GNG2: variants seen among roughly 807,000 people sequenced by gnomAD.
GNG2 encodes guanine nucleotide-binding protein G(I)/G(S)/G(O) subunit gamma-2.
In GNG2, 5 loss-of-function variants were observed where a neutral mutation model predicts 5.5. That is an observed-to-expected ratio of 0.91 (90% CI 0.48 to 1.92). The LOEUF is 1.92. Ranked by LOEUF, GNG2 falls within the 30% of genes most tolerant of loss-of-function variation. The pLI, the probability that GNG2 is intolerant of heterozygous loss-of-function variation, is 0.01. For missense variants in GNG2, 55 were observed against 88.4 expected (o/e 0.62, Z 1.52); for synonymous variants, 28 against 32.0 (o/e 0.88, Z 0.42).
chr14:51,929,424 A>T (rs1425397267), intron 2 of GNG2, among the ~76,000 whole-genome samples: 1 of 152,236 alleles, frequency 6.6e-6, no homozygotes, highest in Non-Finnish European at 1.5e-5. Context: ...GGCACTAAGC[A>T]GCCTTTCAGG....
intron 2 of GNG2, among the ~76,000 whole-genome samples, chr14:51,853,538 C>T (rs1415945078): frequency 1.3e-5 from 2 of 152,228 alleles, no homozygotes; most frequent in Admixed American, 6.5e-5. Flanking sequence ...AAAATGCCTT[C>T]AAACAGCTCC....
At chr14:51,933,802 C>T (rs903918676) in intron 2 of GNG2, among the ~76,000 whole-genome samples, 3 of 152,090 alleles carry the variant, frequency 2.0e-5, no homozygotes, top group Non-Finnish European at 4.4e-5. Flanking sequence ...CTTCTTGTTG[C>T]TGCCATTTTT....
intron 2 of GNG2, among the ~76,000 whole-genome samples, chr14:51,881,616 T>G (rs1258750471): frequency 4.0e-5 from 6 of 151,340 alleles, no homozygotes; most frequent in Non-Finnish European, 7.4e-5. Flanking sequence ...TCATTAGGAC[T>G]AAGCAAAGAG....
intron 1 of GNG2, among the ~76,000 whole-genome samples, chr14:51,868,141 G>A (rs896270925): frequency 8.5e-5 from 13 of 152,186 alleles, no homozygotes; most frequent in African/African-American, 2.9e-4. Context: ...ATTAATCGAT[G>A]TGTTCAAAGT....
intron 1 of GNG2, among the ~76,000 whole-genome samples, chr14:51,873,306 A>G (rs562304721): frequency 2.6e-5 from 4 of 152,342 alleles, no homozygotes; most frequent in African/African-American, 9.6e-5. Flanking sequence ...CATTTTAAAA[A>G]ACAAACACAC....
At chr14:51,910,679 A>G (rs530283808) in intron 2 of GNG2, among the ~76,000 whole-genome samples, 4 of 152,174 alleles carry the variant, frequency 2.6e-5, no homozygotes, top group Non-Finnish European at 5.9e-5. Flanking sequence ...GTCTGAGCCT[A>G]CTTTTACCCT....
intron 1 of GNG2, among the ~76,000 whole-genome samples, chr14:51,876,527 G>A (rs544888881): frequency 8.7e-4 from 132 of 152,106 alleles, no homozygotes; most frequent in Middle Eastern, 3.4e-3. Flanking sequence ...GAACCCCCTT[G>A]AACAGGCTTA....
At chr14:51,858,107 T>C (rs944196505), upstream of GNG2, among the ~76,000 whole-genome samples, 2 of 152,238 alleles carry the variant, frequency 1.3e-5, no homozygotes. Flanking sequence ...TGGTTAGCAA[T>C]TGATGCATAA....
intron 2 of GNG2, among the ~76,000 whole-genome samples, chr14:51,879,727 G>C (rs1353205292): frequency 6.6e-6 from 1 of 152,140 alleles, no homozygotes; most frequent in Admixed American, 6.6e-5. Flanking sequence ...TTTTAGCCAG[G>C]AAAGGTTCTC....
intron 3 of GNG2, among the ~76,000 whole-genome samples, chr14:51,959,271 G>A (rs999562209): frequency 2.0e-5 from 3 of 151,984 alleles, no homozygotes. Flanking sequence ...TCAAACTCCA[G>A]CATCATACAT....
At chr14:51,833,065 G>A (rs1437251171) in intron 2 of GNG2, among the ~76,000 whole-genome samples, 1 of 152,126 alleles carries the variant, frequency 6.6e-6, no homozygotes, top group East Asian at 1.9e-4. Context: ...TATAGATCCA[G>A]TCAAGATTAA....
intron 3 of GNG2, among the ~76,000 whole-genome samples, chr14:51,962,528 C>T (rs1889674095): frequency 2.6e-5 from 4 of 152,122 alleles, no homozygotes; most frequent in African/African-American, 7.2e-5. Flanking sequence ...TACCACCCCC[C>T]GAATTCGATC....
chr14:51,934,718 A>G (rs1409427694), intron 2 of GNG2, among the ~76,000 whole-genome samples: 2 of 152,186 alleles, frequency 1.3e-5, no homozygotes, highest in Non-Finnish European at 2.9e-5. Flanking sequence ...GGTGCCGGTC[A>G]GTTCATTAAG....
chr14:51,950,132 A>C (rs1158189001), intron 2 of GNG2, among the ~76,000 whole-genome samples: 1 of 152,252 alleles, frequency 6.6e-6, no homozygotes, highest in Non-Finnish European at 1.5e-5. Context: ...ACACTGGTGA[A>C]CTAATTGTCA....
chr14:51,843,854 T>C (rs567374181), intron 2 of GNG2, among the ~76,000 whole-genome samples: 8 of 152,316 alleles, frequency 5.3e-5, no homozygotes, highest in African/African-American at 1.4e-4. Flanking sequence ...TGCCAAGCTA[T>C]TCATGGCTCA....
At chr14:51,875,306 G>T (rs553090858) in intron 1 of GNG2, among the ~76,000 whole-genome samples, 16 of 152,340 alleles carry the variant, frequency 1.1e-4, no homozygotes, top group Admixed American at 1.0e-3. Context: ...GATGGAAGAA[G>T]TTGGAAGGGG....
chr14:51,827,601 G>A (rs1881062920), intron 1 of GNG2: 6 of 662,490 alleles, frequency 9.1e-6, no homozygotes, highest in South Asian at 8.3e-5. Flanking sequence ...TGAGACTTGA[G>A]GTCAAATAAT....
At chr14:51,838,359 G>A (rs977449462) in intron 2 of GNG2, among the ~76,000 whole-genome samples, 4 of 151,780 alleles carry the variant, frequency 2.6e-5, no homozygotes, top group Non-Finnish European at 4.4e-5. Flanking sequence ...CAGGAGAATC[G>A]CTTGAACCCA....
chr14:51,862,984 C>CTTTTTT (rs10699121), intron 1 of GNG2, among the ~76,000 whole-genome samples: 1 of 143,018 alleles, frequency 7.0e-6, no homozygotes. Flanking sequence ...TTTAATTGTG[C>CTTTTTT]TTTTTTTTTT....
Sources: allele counts gnomAD v4.1 joint callset (sites outside exome capture counted in the v4.1 genomes callset), GRCh38; gene constraint gnomAD v4.1.1; transcripts MANE v1.5; gene names NCBI Gene and HGNC (gene_info 2026-07-23, HGNC 2026-07-21).